PLAGL1: variants seen among roughly 807,000 people sequenced by gnomAD.
PLAGL1 encodes the protein PLAG1 like zinc finger 1.
A neutral mutation model predicts 4.6 loss-of-function variants in PLAGL1; 1 was observed. The ratio of observed to expected loss-of-function variants is 0.22; its 90% CI spans 0.08 to 1.03. The LOEUF is 1.03. Among genes scored for constraint, PLAGL1 ranks in the 50% least tolerant of loss-of-function variants. PLAGL1 has a pLI of 0.58. For missense variants in PLAGL1, 464 were observed against 570.4 expected (o/e 0.81, Z 1.90); for synonymous variants, 240 against 237.8 (o/e 1.01, Z -0.08).
chr6:143,975,238 T>C lies in PLAGL1; in HGVS notation c.-543-6260A>G, dbSNP rs1786255834. ...GTTCTCTCACCAAGGTTATATTAAA[T>C]AAGTCATCCTAGTTTTTGAGGCCAA... On this transcript the variant is annotated intron_variant, in intron 2 of 7. Coordinates refer to ENST00000674357, the MANE Select transcript of PLAGL1 (RefSeq NM_001317162.2). This position sits in a 1 kb window ranked among gnomAD's most constrained non-coding sequence, Gnocchi z 5.8. 6.6e-6 allele frequency among the ~76,000 whole-genome samples: 1 copy of C among 152,216 alleles called. No homozygotes were observed. The highest frequency in any genetic ancestry group is 1.5e-5 in the Non-Finnish European group (1 of 68,022).
In PLAGL1 at chr6:143,952,786, T is replaced by C. The variant is rs150612539; in HGVS notation, c.-324-4326A>G. 2.1e-3 allele frequency among the ~76,000 whole-genome samples: 314 copies of C among 152,332 alleles called. No homozygotes were observed. The highest frequency in any genetic ancestry group is 3.9e-3 in the Non-Finnish European group (264 of 68,030). On this transcript the variant is annotated intron_variant, in intron 6 of 7. Transcript: ENST00000674357. The surrounding 1 kb of genome is among the most constrained non-coding windows in gnomAD (Gnocchi z 6.1). ...ATTTCCATTGTCCTCAGTGACACAATCAATGCAAGGCCCATTTCTGAGAGG... is the reference window on the plus strand; with the variant it reads ...ATTTCCATTGTCCTCAGTGACACAACCAATGCAAGGCCCATTTCTGAGAGG...
rs1252875136 is a variant in PLAGL1 at position 143,940,537 on chromosome 6, T to G, written c.*887A>C. 6.6e-6 allele frequency: 1 copy of G among 152,372 alleles called. No individual in the cohort carries two copies. The highest frequency in any genetic ancestry group is 2.4e-5 in the African/African-American group (1 of 41,462). 9.4% of individuals were successfully genotyped at this position (152,372 alleles called of 1,614,324 possible). A position where few individuals can be genotyped will look rare whatever the true frequency, so the allele number is the denominator to read the frequency against. On this transcript the variant is annotated 3_prime_UTR_variant, in exon 8 of 8. Transcript: ENST00000674357. ...TTTATTGGTGATTACAAACAATACT[T>G]AAGAACTTAAGCAGCTTGAGTAGTA...
At chr6:143,977,086 C>CG (rs978526635) in intron 2 of PLAGL1, among the ~76,000 whole-genome samples, 4 of 144,410 alleles carry the variant, frequency 2.8e-5, no homozygotes, top group Middle Eastern at 3.6e-3. Context: ...ACTCCCTTCC[C>CG]CCCCCCCAAC....
Position 143,956,789 on chromosome 6 carries a change from A to G in PLAGL1, c.-325+3680T>C, listed in dbSNP as rs186179758. 3.9e-5 allele frequency among the ~76,000 whole-genome samples: 6 copies of G among 152,368 alleles called. No homozygotes were observed. In the East Asian group the frequency reaches 9.6e-4, roughly 24 times the overall value. On this transcript the variant is annotated intron_variant, in intron 6 of 7. Transcript: ENST00000674357. ...GTCCAGAGAAGCTATGGAAAAGGCA[A>G]AAGCCAATGAATGTGAGCCTTGGAG...
In PLAGL1 at chr6:144,000,234, A is replaced by C. The variant is rs1583573374; in HGVS notation, c.-584+7856T>G. 6.6e-6 allele frequency among the ~76,000 whole-genome samples: 1 copy of C among 152,190 alleles called. No homozygotes were observed. The highest frequency in any genetic ancestry group is 6.5e-5 in the Admixed American group (1 of 15,282). ...CAAAATAAGAATGCCCATGATCAGT[A>C]CCACTATTCTTCATTGTACTGGTTG... is the stretch of plus-strand genomic sequence containing the variant. On this transcript the variant is annotated intron_variant, in intron 1 of 7. Coordinates refer to ENST00000674357, the MANE Select transcript of PLAGL1 (RefSeq NM_001317162.2). This position sits in a 1 kb window ranked among gnomAD's most constrained non-coding sequence, Gnocchi z 4.1.
Position 143,960,062 on chromosome 6 carries a change from C to T in PLAGL1, c.-325+407G>A, listed in dbSNP as rs7769809. The stretch of plus-strand genomic sequence containing the variant: ...ATCTTTCCCAGGCTTATCTTTCAGT[C>T]GACATCTGCCACAAAGACAGGACAA... On this transcript the variant is annotated intron_variant, in intron 6 of 7. Transcript: ENST00000674357. This position sits in a 1 kb window ranked among gnomAD's most constrained non-coding sequence, Gnocchi z 5.7. 5.9e-5 allele frequency among the ~76,000 whole-genome samples: 9 copies of T among 152,172 alleles called. No individual in the cohort carries two copies. Among genetic ancestry groups the T allele is most frequent in the South Asian group, 2.1e-4 (1 of 4,824 alleles).
chr6:144,035,958 T>C (rs976858373), intron 1 of PLAGL1, among the ~76,000 whole-genome samples: 3 of 152,122 alleles, frequency 2.0e-5, no homozygotes, highest in African/African-American at 7.2e-5. Context: ...GGTGAGAAAC[T>C]TCTTTAAGGA....
At chr6:144,060,766 C>T (rs1401459566) in intron 1 of PLAGL1, among the ~76,000 whole-genome samples, 3 of 152,228 alleles carry the variant, frequency 2.0e-5, no homozygotes, top group Non-Finnish European at 4.4e-5. Flanking sequence ...TCCCTCATCT[C>T]CATATAGATC....
At chr6:144,020,811 T>G (rs944085235) in intron 1 of PLAGL1, among the ~76,000 whole-genome samples, 2 of 145,878 alleles carry the variant, frequency 1.4e-5, no homozygotes, top group African/African-American at 5.0e-5. Flanking sequence ...ACTATATATA[T>G]TTATATATTA....
At chr6:143,999,075 T>C (rs1201067647) in intron 1 of PLAGL1, among the ~76,000 whole-genome samples, 1 of 151,924 alleles carries the variant, frequency 6.6e-6, no homozygotes, top group East Asian at 1.9e-4. Flanking sequence ...CAGGGAAAAA[T>C]AGCATAGGGT....
At chr6:143,969,280 A>T (rs528617536) in intron 2 of PLAGL1, among the ~76,000 whole-genome samples, 1 of 151,974 alleles carries the variant, frequency 6.6e-6, no homozygotes, top group Admixed American at 6.6e-5. Flanking sequence ...CCACTTAGAG[A>T]CCTCATGCAA....
At chr6:143,977,403 T>A (rs1786848926) in intron 2 of PLAGL1, among the ~76,000 whole-genome samples, 1 of 151,972 alleles carries the variant, frequency 6.6e-6, no homozygotes, top group Admixed American at 6.6e-5. Context: ...ACATTTAATT[T>A]TCTTCCATGC....
chr6:143,943,110 C>T (rs923457521), intron 7 of PLAGL1, among the ~76,000 whole-genome samples: 6 of 145,798 alleles, frequency 4.1e-5, no homozygotes, highest in Admixed American at 7.2e-5. Context: ...GTGATCCTCC[C>T]GCCTTGGCCT....
chr6:144,042,690 G>GT (rs1562603660), intron 1 of PLAGL1, among the ~76,000 whole-genome samples: 1 of 152,284 alleles, frequency 6.6e-6, no homozygotes, highest in South Asian at 2.1e-4. Flanking sequence ...CTTTAAAGTG[G>GT]TTTTTTCCAA....
chr6:144,058,915 AGCT>A lies in PLAGL1; in HGVS notation c.-151+5550_-151+5552del, dbSNP rs552271466. 1.4e-4 allele frequency among the ~76,000 whole-genome samples: 21 copies of A among 152,228 alleles called. No individual in the cohort carries two copies. The South Asian group carries it at 4.3e-3, about 32-fold the overall frequency. ...TGCATCTTTTCTAGGCAAGAGTGCA[AGCT>A]GCTGGTGGATCTACCATTCTGGGGT... On this transcript the variant is annotated intron_variant, in intron 1 of 3. Transcript: ENST00000437412.
chr6:143,996,398 A>C (rs1266922813), intron 1 of PLAGL1, among the ~76,000 whole-genome samples: 3 of 152,226 alleles, frequency 2.0e-5, no homozygotes, highest in Admixed American at 6.5e-5. Context: ...AAGTATGGCA[A>C]AGACTGCCAA....
chr6:144,021,473 G>A (rs557684382), intron 1 of PLAGL1, among the ~76,000 whole-genome samples: 26 of 152,118 alleles, frequency 1.7e-4, no homozygotes, highest in South Asian at 4.2e-4. Context: ...ATTTTTGCAC[G>A]GAGAAAAACA....
Position 144,005,891 on chromosome 6 carries a change from C to T in PLAGL1, c.-584+2199G>A, listed in dbSNP as rs1794067286. ...TATTGAGGTAAATACAATATGTTAG[C>T]ATTTTAAAACGCTGAAAGTCTGTAA... On this transcript the variant is annotated intron_variant, in intron 1 of 7. Coordinates refer to ENST00000674357, the MANE Select transcript of PLAGL1 (RefSeq NM_001317162.2). The surrounding 1 kb of genome is among the most constrained non-coding windows in gnomAD (Gnocchi z 4.6). The T allele has an allele frequency of 6.6e-6, 1 of 151,902 alleles. No individual in the cohort carries two copies. The highest frequency in any genetic ancestry group is 2.1e-4 in the South Asian group (1 of 4,832). The allele number at this position is 151,902 out of a possible 1,614,324, so 9.4% of individuals were successfully genotyped here.
At chr6:143,992,974 T>A (rs1790799589) in intron 1 of PLAGL1, among the ~76,000 whole-genome samples, 1 of 148,852 alleles carries the variant, frequency 6.7e-6, no homozygotes, top group South Asian at 2.2e-4. Flanking sequence ...TGAGTGAGAC[T>A]CCATCTCAAA....
Sources: gnomAD v4.1 joint callset for allele counts (sites outside exome capture counted in the v4.1 genomes callset) on GRCh38, gnomAD v4.1.1 for gene constraint, Gnocchi (gnomAD v3.1) non-coding constraint, MANE v1.5 for transcripts, NCBI Gene and HGNC (gene_info 2026-07-23, HGNC 2026-07-21) for gene names.